The following PPIG variants were observed in gnomAD, a reference collection of about 807,000 sequenced individuals.
PPIG encodes the protein peptidyl-prolyl cis-trans isomerase G.
PPIG carries 26 observed loss-of-function variants against 87.9 expected under a neutral mutation model. The ratio of observed to expected loss-of-function variants is 0.30; its 90% CI spans 0.22 to 0.41. The LOEUF (loss-of-function observed/expected upper bound fraction) is 0.41, where lower values mean the gene tolerates loss of function less well. Ranked by LOEUF, PPIG falls within the 10% of genes least tolerant of loss-of-function variation. The pLI is 1.00. For synonymous variants in PPIG, 308 were observed against 276.5 expected (o/e 1.11, Z -1.13); for missense variants, 722 against 879.4 (o/e 0.82, Z 2.26).
chr2:169,621,781 G>T, intron 9 of PPIG, among the ~76,000 whole-genome samples: 1 of 150,324 alleles, frequency 6.7e-6, no homozygotes, highest in African/African-American at 2.4e-5. Context: ...CTTGTGTTAG[G>T]ATCTGTTGCC....
At chr2:169,584,813 C>T (rs1214007783) in intron 1 of PPIG, 5 of 297,446 alleles carry the variant, frequency 1.7e-5, no homozygotes, top group Non-Finnish European at 3.2e-5. Flanking sequence ...CAAGCTGTAA[C>T]ATGGCGGCAG....
At chr2:169,608,952 C>T (rs530191004) in intron 7 of PPIG, among the ~76,000 whole-genome samples, 194 bp downstream of exon 7, 14 of 151,566 alleles carry the variant, frequency 9.2e-5, no homozygotes, top group African/African-American at 3.1e-4. Flanking sequence ...GGCATGGTGT[C>T]GGACGCCTGT....
chr2:169,610,727 TA>T (rs1685462237), intron 7 of PPIG, among the ~76,000 whole-genome samples: 1 of 152,172 alleles, frequency 6.6e-6, no homozygotes, highest in Non-Finnish European at 1.5e-5. Flanking sequence ...TCTTACACCG[TA>T]GATGGCATAC....
chr2:169,609,391 T>A (rs1275384764), intron 7 of PPIG, among the ~76,000 whole-genome samples: 1 of 152,008 alleles, frequency 6.6e-6, no homozygotes, highest in Non-Finnish European at 1.5e-5. Flanking sequence ...TTAATTTTTT[T>A]GTAGAGACGG....
intron 1 of PPIG, among the ~76,000 whole-genome samples, chr2:169,587,762 T>A (rs1402184663): frequency 6.6e-6 from 1 of 152,230 alleles, no homozygotes; most frequent in East Asian, 1.9e-4. Context: ...TTTTGAACTT[T>A]GTTTTAGAAT....
intron 9 of PPIG, among the ~76,000 whole-genome samples, chr2:169,617,376 G>GT (rs1474638530): frequency 1.3e-5 from 2 of 152,064 alleles, no homozygotes; most frequent in Admixed American, 1.3e-4. Flanking sequence ...ATTTAAAGCA[G>GT]TTTTTTTCTG....
At chr2:169,618,106 A>G (rs892474923) in intron 9 of PPIG, among the ~76,000 whole-genome samples, 5 of 152,202 alleles carry the variant, frequency 3.3e-5, no homozygotes, top group African/African-American at 1.2e-4. Context: ...ATCTATTGAG[A>G]TAATTGTGTG....
intron 1 of PPIG, among the ~76,000 whole-genome samples, chr2:169,591,295 A>AT (rs1212684677): frequency 3.9e-5 from 6 of 152,100 alleles, no homozygotes; most frequent in Non-Finnish European, 8.8e-5. Context: ...CCTCTTACTG[A>AT]TTTTTTTATG....
intron 9 of PPIG, among the ~76,000 whole-genome samples, chr2:169,625,550 G>A (rs1227264790): frequency 6.6e-6 from 1 of 151,994 alleles, no homozygotes; most frequent in African/African-American, 2.4e-5. Context: ...GTTTCAATTA[G>A]CATTTCTCTG....
intron 7 of PPIG, among the ~76,000 whole-genome samples, chr2:169,609,016 G>A (rs1008157251): frequency 2.6e-5 from 4 of 151,528 alleles, no homozygotes; most frequent in South Asian, 2.1e-4. Flanking sequence ...CCCGGGAGGG[G>A]GAGCTTACAG....
chr2:169,593,321 A>C (rs1422930950), intron 1 of PPIG, among the ~76,000 whole-genome samples: 1 of 151,982 alleles, frequency 6.6e-6, no homozygotes, highest in East Asian at 1.9e-4. Context: ...CAGCCTCCCA[A>C]GTAACTGGAA....
At chr2:169,599,519 C>T (rs1165530334) in intron 1 of PPIG, among the ~76,000 whole-genome samples, 1 of 151,870 alleles carries the variant, frequency 6.6e-6, no homozygotes, top group Non-Finnish European at 1.5e-5. Context: ...ACAGATATTC[C>T]AGTACATAGA....
intron 7 of PPIG, among the ~76,000 whole-genome samples, chr2:169,610,085 C>A (rs1238836141): frequency 1.3e-5 from 2 of 152,152 alleles, no homozygotes; most frequent in Non-Finnish European, 2.9e-5. Flanking sequence ...TAGGTTTGTT[C>A]TGTTCGGTAG....
intron 9 of PPIG, among the ~76,000 whole-genome samples, chr2:169,630,189 T>C (rs1174663999): frequency 6.6e-6 from 1 of 151,960 alleles, no homozygotes; most frequent in Non-Finnish European, 1.5e-5. Context: ...TTAACTGAAA[T>C]AAAATTTCAA....
chr2:169,589,181 A>T (rs959395118), intron 1 of PPIG, among the ~76,000 whole-genome samples: 6 of 152,104 alleles, frequency 3.9e-5, no homozygotes, highest in Non-Finnish European at 7.4e-5. Flanking sequence ...TTTCTAGAGG[A>T]TTTAAGAATT....
At position 169,637,206 on chromosome 2, in the gene PPIG, A is replaced by C; in HGVS notation, c.1948A>C (p.Lys650Gln). Residue 650 changes from lysine (K) to glutamine (Q), a missense_variant, in exon 14 of 14, where the codon AAG (lysine) becomes CAG (glutamine). Around this residue, in one of 4 missense-constraint regions of PPIG, gnomAD observed 476 missense variants for 483.1 expected, o/e 0.99. Transcript: ENST00000260970. ...AGACAAATACAGAAACCAAGAGAGT[A>C]AGAGCTCACACAGAAAAGAAAATTC... ...NKDKYRNQES[K>Q]SSHRKENSES... is the part of the protein sequence containing the mutation. The C allele has an allele frequency of 6.2e-7, 1 of 1,613,628 alleles. No homozygotes were observed. Among genetic ancestry groups the C allele is most frequent in the Non-Finnish European group, 8.5e-7 (1 of 1,179,946 alleles).
In PPIG at chr2:169,636,570, A is replaced by G. The variant is rs373647828; in HGVS notation, c.1312A>G (p.Ile438Val). ...TAAATCTAACAGCAAAGAGAGAGAC[A>G]TCAGAAGAAATTCAGAAAAAGATGA... ...DHKSNSKERD[I>V]RRNSEKDDKY... is the part of the protein sequence containing the mutation. Residue 438 changes from isoleucine to valine, a missense_variant, in exon 14 of 14, where the codon ATC becomes GTC. Physicochemically the swap from Ile to Val is conservative, Grantham distance 29. Around this residue, in one of 4 missense-constraint regions of PPIG, gnomAD observed 476 missense variants for 483.1 expected, o/e 0.99. Coordinates refer to ENST00000260970, the MANE Select transcript of PPIG (RefSeq NM_004792.3). 1.3e-6 allele frequency: 2 copies of G among 1,598,634 alleles called. No individual in the cohort carries two copies. The highest frequency in any genetic ancestry group is 1.7e-6 in the Non-Finnish European group (2 of 1,176,374).
chr2:169,619,264 C>G (rs1307806818), intron 9 of PPIG, among the ~76,000 whole-genome samples: 1 of 152,000 alleles, frequency 6.6e-6, no homozygotes, highest in Non-Finnish European at 1.5e-5. Flanking sequence ...TTCTTTTGCA[C>G]TTGATGAGGA....
At chr2:169,629,136 A>G (rs1342678755) in intron 9 of PPIG, among the ~76,000 whole-genome samples, 1 of 152,142 alleles carries the variant, frequency 6.6e-6, no homozygotes, top group Non-Finnish European at 1.5e-5. Context: ...TTGACTTTTT[A>G]TTGTGGAACA....
Sources: allele counts gnomAD v4.1 joint callset (sites outside exome capture counted in the v4.1 genomes callset), GRCh38; gene constraint gnomAD v4.1.1; regional missense constraint gnomAD v4.1.1; transcripts MANE v1.5; gene names NCBI Gene and HGNC (gene_info 2026-07-23, HGNC 2026-07-21).